TJP2: variants seen among roughly 807,000 people sequenced by gnomAD.
TJP2 encodes the protein Friedreich ataxia region gene X104 (tight junction protein ZO-2).
A neutral mutation model predicts 133.1 loss-of-function variants in TJP2; 91 were observed. The observed-to-expected ratio is 0.68, with a 90% CI of 0.58 to 0.81. TJP2 has a LOEUF of 0.81. Ranked by LOEUF, TJP2 falls within the 40% of genes least tolerant of loss-of-function variation. TJP2 has a pLI of 0.00. For missense variants in TJP2, 1,541 were observed against 1,565.6 expected (o/e 0.98, Z 0.26); for synonymous variants, 592 against 583.4 (o/e 1.01, Z -0.21).
chr9:69,237,818 C>A, intron 14 of TJP2, 60 bp from the exon 15 acceptor site: 1 of 1,208,158 alleles, frequency 8.3e-7, no homozygotes, highest in Non-Finnish European at 1.2e-6. Flanking sequence ...AATACTTTTA[C>A]TGCTTATCAT....
At chr9:69,231,781 A>G (rs1829804382) in intron 11 of TJP2, among the ~76,000 whole-genome samples, 1 of 152,120 alleles carries the variant, frequency 6.6e-6, no homozygotes, top group Non-Finnish European at 1.5e-5. Flanking sequence ...TTGCCTTATG[A>G]TCCTAGGAAA....
chr9:69,211,929 C>A (rs1374041900), intron 1 of TJP2, among the ~76,000 whole-genome samples: 2 of 152,156 alleles, frequency 1.3e-5, no homozygotes, highest in African/African-American at 2.4e-5. Flanking sequence ...AGGCAGCCTG[C>A]ATTTAATGGA....
rs576988744 is a variant in TJP2, at chr9:69,231,116, G to T, written c.1671+884G>T. On this transcript the variant is annotated intron_variant, in intron 11 of 22. Transcript: ENST00000377245. ...AGAGTACTAGGGAACTGTTTTTTTT[G>T]TTTTTTTTTGTTTTTGACAGTCTCG... 4.3e-4 allele frequency among the ~76,000 whole-genome samples: 65 copies of T among 150,908 alleles called. No individual in the cohort carries two copies. The South Asian group carries it at 5.5e-3, about 13-fold the overall frequency.
In TJP2 at chr9:69,236,073, T is replaced by C. The variant is rs929371716; in HGVS notation, c.1826T>C (p.Ile609Thr). The change falls in exon 13 of 23, where the codon ATA (isoleucine) becomes ACA (threonine). Residue 609 changes from isoleucine (I) to threonine (T), a missense_variant. By Grantham distance (89) the Ile-to-Thr change is moderately conservative. Coordinates refer to ENST00000377245, the MANE Select transcript of TJP2 (RefSeq NM_004817.4). ...LACGRGDSFF[I>T]RSHFECEKET... is the part of the protein sequence containing the mutation. Reference sequence around the variant, plus strand: ...TGTGGCAGAGGGGATTCGTTTTTTATAAGAAGCCACTTTGAATGTGAGAAG... The same window carrying C: ...TGTGGCAGAGGGGATTCGTTTTTTACAAGAAGCCACTTTGAATGTGAGAAG... 24 of 1,614,032 alleles carry C rather than the reference T, an allele frequency of 1.5e-5. No homozygotes were observed. The highest frequency in any genetic ancestry group is 2.0e-5 in the Non-Finnish European group (24 of 1,180,036).
chr9:69,183,361 A>G (rs574403984), intron 1 of TJP2, among the ~76,000 whole-genome samples: 1 of 152,230 alleles, frequency 6.6e-6, no homozygotes, highest in East Asian at 1.9e-4. Context: ...CCTAAAAGAG[A>G]ACTTCTCTTC....
intron 1 of TJP2, among the ~76,000 whole-genome samples, chr9:69,206,423 C>G (rs748590445): frequency 2.6e-5 from 4 of 152,044 alleles, no homozygotes; most frequent in Non-Finnish European, 5.9e-5. Flanking sequence ...AATTATTATC[C>G]CCTCTTCACT....
chr9:69,248,288 A>T, intron 19 of TJP2, 64 bp downstream of exon 19: 1 of 1,529,728 alleles, frequency 6.5e-7, no homozygotes, highest in Non-Finnish European at 8.8e-7. Context: ...ACTCTCGTGG[A>T]CAGCTGTGTG....
Position 69,236,091 on chromosome 9 carries a change from G to GT in TJP2, c.1845dup (p.Glu616Ter), listed in dbSNP as rs753166171. ...TTTTTTATAAGAAGCCACTTTGAAT[G>GT]TGAGAAGGAAACTCCACAGAGCCTG... On this transcript the variant is annotated frameshift_variant, in exon 13 of 23. Transcript: ENST00000377245. LOFTEE classifies it high-confidence loss of function. 1.2e-6 allele frequency: 2 copies of GT among 1,614,066 alleles called. No homozygotes were observed. Among genetic ancestry groups the GT allele is most frequent in the African/African-American group, 2.7e-5 (2 of 74,908 alleles).
intron 1 of TJP2, among the ~76,000 whole-genome samples, chr9:69,193,367 G>C (rs1326739373): frequency 2.0e-5 from 3 of 151,858 alleles, no homozygotes; most frequent in Non-Finnish European, 4.4e-5. Flanking sequence ...AGTGGCCTTT[G>C]ATGATTTCCT....
chr9:69,218,750 G>T (rs1828579716), intron 4 of TJP2, among the ~76,000 whole-genome samples: 1 of 152,204 alleles, frequency 6.6e-6, no homozygotes, highest in Admixed American at 6.5e-5. Flanking sequence ...TTCATTAGAA[G>T]ACTGTCTATA....
rs75068166 is a variant in TJP2, at chr9:69,228,685, A to G, written c.1454-499A>G. Among the ~76,000 whole-genome samples, 990 of 152,318 alleles carry G rather than the reference A, an allele frequency of 6.5e-3. 8 individuals carry two copies. Among genetic ancestry groups the G allele is most frequent in the Non-Finnish European group, 0.01 (700 of 68,020 alleles). On this transcript the variant is annotated intron_variant, in intron 9 of 22. Transcript: ENST00000377245. ...GGAAGAAGGAAATAAAAAATTATAT[A>G]TGGAAGAGGCCTTCCTTTCTCTCTT... is the stretch of plus-strand genomic sequence containing the variant.
Position 69,254,332 on chromosome 9 carries a change from T to C in TJP2, c.3531T>C (p.Gly1177=). 1.2e-6 allele frequency: 2 copies of C among 1,614,198 alleles called. No homozygotes were observed. The highest frequency in any genetic ancestry group is 1.7e-6 in the Non-Finnish European group (2 of 1,180,038). ...RQQLSEHSKR[G]YYGQSARYRD... ...AGCTGTCAGAACACTCCAAGCGCGG[T>C]TACTATGGCCAGTCTGCCCGATACC... is the stretch of plus-strand genomic sequence containing the variant. Residue 1177 remains glycine, a synonymous_variant, in exon 23 of 23, where the codon GGT becomes GGC. Transcript: ENST00000377245.
intron 1 of TJP2, among the ~76,000 whole-genome samples, chr9:69,146,745 T>G (rs1823230485): frequency 6.6e-6 from 1 of 152,030 alleles, no homozygotes; most frequent in East Asian, 1.9e-4. Context: ...TTTTTTGTTG[T>G]TATAGCCCAG....
At chr9:69,204,371 C>T (rs1170163413) in intron 1 of TJP2, among the ~76,000 whole-genome samples, 1 of 152,204 alleles carries the variant, frequency 6.6e-6, no homozygotes, top group African/African-American at 2.4e-5. Flanking sequence ...CTCCCCAAGA[C>T]CAGACTTCTG....
At chr9:69,186,996 G>A (rs1472993554) in intron 1 of TJP2, among the ~76,000 whole-genome samples, 1 of 152,086 alleles carries the variant, frequency 6.6e-6, no homozygotes, top group African/African-American at 2.4e-5. Flanking sequence ...AAACAGGACT[G>A]GGCTAAAAAT....
At chr9:69,196,890 T>A (rs1009089749) in intron 1 of TJP2, among the ~76,000 whole-genome samples, 2 of 151,462 alleles carry the variant, frequency 1.3e-5, no homozygotes, top group African/African-American at 4.9e-5. Flanking sequence ...TAATTTGTCA[T>A]TTTATGTCTG....
At position 69,191,839 on chromosome 9, in the gene TJP2, C is replaced by T. The variant is rs542802908; in HGVS notation, c.60+17407C>T. The stretch of plus-strand genomic sequence containing the variant: ...GCAACCTCCACCTCCCAGGTTCAAG[C>T]GATTTTCCTGCCTCAGTCTCCTGAC... On this transcript the variant is annotated intron_variant, in intron 1 of 22. Coordinates refer to ENST00000377245, the MANE Select transcript of TJP2 (RefSeq NM_004817.4). Among the ~76,000 whole-genome samples the T allele has an allele frequency of 1.1e-4, 17 of 152,046 alleles. No individual in the cohort carries two copies. In the South Asian group the frequency reaches 3.5e-3, roughly 32 times the overall value.
At chr9:69,183,033 G>C (rs922546397) in intron 1 of TJP2, among the ~76,000 whole-genome samples, 2 of 151,828 alleles carry the variant, frequency 1.3e-5, no homozygotes, top group Admixed American at 1.3e-4. Context: ...CTGATCTCGG[G>C]TGATCCACCT....
intron 1 of TJP2, among the ~76,000 whole-genome samples, chr9:69,198,280 T>A (rs1826739456): frequency 6.6e-6 from 1 of 152,044 alleles, no homozygotes; most frequent in East Asian, 1.9e-4. Flanking sequence ...TAGCTGGGAC[T>A]ACAGGCATGT....
Sources: gnomAD v4.1 joint callset for allele counts (sites outside exome capture counted in the v4.1 genomes callset) on GRCh38, gnomAD v4.1.1 for gene constraint, MANE v1.5 for transcripts, NCBI Gene and HGNC (gene_info 2026-07-23, HGNC 2026-07-21) for gene names.